The following IQUB variants were observed in gnomAD, a reference collection of about 807,000 sequenced individuals.
IQUB encodes the protein IQ motif and ubiquitin-like domain-containing protein.
Under a neutral mutation model 86.4 loss-of-function variants are expected in IQUB, and 86 were observed. The observed-to-expected ratio is 1.00, with a 90% CI of 0.84 to 1.19. The LOEUF (loss-of-function observed/expected upper bound fraction) is 1.19, where lower values mean the gene tolerates loss of function less well. Ranked by LOEUF, IQUB falls within the 50% of genes most tolerant of loss-of-function variation. The probability of loss-of-function intolerance (pLI) is 0.00; values close to 1 mark genes in which losing one functional copy is unlikely to be tolerated. For synonymous variants in IQUB, 289 were observed against 304.5 expected, an observed-to-expected ratio of 0.95 and a Z score of 0.53; for missense variants, 946 against 916.9, an observed-to-expected ratio of 1.03 and a Z score of -0.41.
chr7:123,470,401 G>T (rs927401762), intron 8 of IQUB, among the ~76,000 whole-genome samples: 1 of 152,120 alleles, frequency 6.6e-6, no homozygotes, highest in Non-Finnish European at 1.5e-5. Flanking sequence ...AACTGTAATT[G>T]CTCTGGTGTC....
chr7:123,469,397 A>G lies in IQUB; in HGVS notation c.1411-13T>C. 6.7e-7 allele frequency: 1 copy of G among 1,482,990 alleles called. No individual in the cohort carries two copies. The highest frequency in any genetic ancestry group is 2.2e-5 in the Admixed American group (1 of 46,300). The allele number at this position is 1,482,990 out of a possible 1,614,324, so 91.9% of individuals were successfully genotyped here. A position where few individuals can be genotyped will look rare whatever the true frequency, so the allele number is the denominator to read the frequency against. ...TTGGAGCTGAACACTTAAAAATAAT[A>G]TTATGTTTATAATTATCAGTTAATT... On this transcript the variant is annotated splice_polypyrimidine_tract_variant and intron_variant, in intron 8 of 12. Transcript: ENST00000324698.
chr7:123,477,834 T>G (rs74501941), intron 8 of IQUB, among the ~76,000 whole-genome samples: 2 of 152,014 alleles, frequency 1.3e-5, no homozygotes, highest in Non-Finnish European at 2.9e-5. Flanking sequence ...AACAGACACA[T>G]GAAAAAATGC....
intron 7 of IQUB, among the ~76,000 whole-genome samples, chr7:123,491,780 G>A (rs1339425330): frequency 6.6e-6 from 1 of 151,944 alleles, no homozygotes; most frequent in Non-Finnish European, 1.5e-5. Flanking sequence ...AATTCTACAC[G>A]AACTGTTTTA....
intron 7 of IQUB, among the ~76,000 whole-genome samples, chr7:123,482,009 A>G (rs971111811): frequency 2.6e-5 from 4 of 151,996 alleles, no homozygotes; most frequent in African/African-American, 7.2e-5. Context: ...GAAAGGTGAA[A>G]TTTAAACGGT....
rs142964701 is a variant in IQUB, at chr7:123,472,101, G to A, written c.1411-2717C>T. Among the ~76,000 whole-genome samples, 525 of 151,834 alleles carry A rather than the reference G, an allele frequency of 3.5e-3. 13 individuals carry two copies. The South Asian group carries it at 0.045, about 13-fold the overall frequency. ...AAAAACACAAAATTTAGCTGAGTGC[G>A]GTGGCACTCACCTGTAATCCCAGCT... is the stretch of plus-strand genomic sequence containing the variant. On this transcript the variant is annotated intron_variant, in intron 8 of 12. Transcript: ENST00000324698.
At chr7:123,483,092 T>C (rs939449956) in intron 7 of IQUB, among the ~76,000 whole-genome samples, 1 of 152,168 alleles carries the variant, frequency 6.6e-6, no homozygotes, top group Non-Finnish European at 1.5e-5. Flanking sequence ...TCCTTATTTA[T>C]TGTGCCTCTC....
At chr7:123,510,188 T>A (rs1246585070) in intron 2 of IQUB, among the ~76,000 whole-genome samples, 153 bp from the exon 3 acceptor site, 1 of 152,044 alleles carries the variant, frequency 6.6e-6, no homozygotes, top group East Asian at 2.0e-4. Flanking sequence ...GCCCCAATGA[T>A]AACAGTTACT....
chr7:123,472,644 G>T (rs1794582939), intron 8 of IQUB, among the ~76,000 whole-genome samples: 1 of 152,162 alleles, frequency 6.6e-6, no homozygotes, highest in African/African-American at 2.4e-5. Flanking sequence ...TCCTAGATTT[G>T]AAGTTCAAGT....
rs374632754 is a variant in IQUB at position 123,503,210 on chromosome 7, A to G, written c.686T>C (p.Val229Ala). Residue 229 changes from valine to alanine, a missense_variant, in exon 4 of 13, where the codon GTC (valine) becomes GCC (alanine). Val to Ala is a moderately conservative substitution (Grantham distance 64). Coordinates refer to ENST00000324698, the MANE Select transcript of IQUB (RefSeq NM_178827.5). ...GACATCAAATAACGAACCAGTTTGG[A>G]CAGTGACAGTTATGATTTGAGAGAC... is the stretch of plus-strand genomic sequence containing the variant. The part of the protein sequence containing the change: ...TDVSQIITVT[V>A]QTGLDQYQQV... 106 of 1,611,578 alleles carry G rather than the reference A, an allele frequency of 6.6e-5. 1 individual carries two copies. Among genetic ancestry groups the G allele is most frequent in the Non-Finnish European group, 8.7e-5 (103 of 1,179,006 alleles).
chr7:123,483,552 A>G (rs1279038553), intron 7 of IQUB, among the ~76,000 whole-genome samples: 3 of 152,088 alleles, frequency 2.0e-5, no homozygotes, highest in Non-Finnish European at 2.9e-5. Context: ...TTGAGCAATT[A>G]TTATGTGAAA....
intron 12 of IQUB, chr7:123,457,046 A>G: frequency 3.0e-6 from 1 of 336,112 alleles, no homozygotes; most frequent in Non-Finnish European, 4.2e-6. Flanking sequence ...CCATTCTGTG[A>G]CAGGCAGTAT....
intron 1 of IQUB, among the ~76,000 whole-genome samples, chr7:123,519,836 T>C (rs1310717597): frequency 6.6e-6 from 1 of 152,178 alleles, no homozygotes; most frequent in East Asian, 1.9e-4. Flanking sequence ...GTAACAGATA[T>C]CCTAATTACC....
chr7:123,452,607 T>TAAC lies in IQUB; in HGVS notation c.*133_*135dup, dbSNP rs1403653784. On this transcript the variant is annotated 3_prime_UTR_variant, in exon 13 of 13. Transcript: ENST00000324698. ...TATATAGAAATGTTTTCTCTTTATATAACTCAAAATACTATGAAAAACAAA... is the reference window on the plus strand; with the variant it reads ...TATATAGAAATGTTTTCTCTTTATATAACAACTCAAAATACTATGAAAAACAAA... 3.6e-5 allele frequency: 17 copies of TAAC among 473,492 alleles called. No homozygotes were observed. In the Admixed American group the frequency reaches 5.0e-4, roughly 14 times the overall value. The allele number at this position is 473,492 out of a possible 1,614,324, so 29.3% of individuals were successfully genotyped here. A position where few individuals can be genotyped will look rare whatever the true frequency, so the allele number is the denominator to read the frequency against.
chr7:123,473,763 T>C (rs1224126093), intron 8 of IQUB, among the ~76,000 whole-genome samples: 1 of 151,488 alleles, frequency 6.6e-6, no homozygotes, highest in African/African-American at 2.4e-5. Context: ...TTTTTTGTAT[T>C]TTTAGTAGAG....
chr7:123,472,067 A>T (rs1187280895), intron 8 of IQUB, among the ~76,000 whole-genome samples: 1 of 151,868 alleles, frequency 6.6e-6, no homozygotes, highest in Admixed American at 6.6e-5. Context: ...GTGATAACTC[A>T]TCTCTACTAA....
intron 7 of IQUB, among the ~76,000 whole-genome samples, chr7:123,493,317 C>A (rs572567763): frequency 2.0e-5 from 3 of 152,254 alleles, no homozygotes; most frequent in African/African-American, 7.2e-5. Context: ...CCAAAAAAAA[C>A]CTACCTTACT....
chr7:123,485,801 C>G (rs1000789350), intron 7 of IQUB, among the ~76,000 whole-genome samples: 3 of 152,096 alleles, frequency 2.0e-5, no homozygotes, highest in African/African-American at 7.2e-5. Flanking sequence ...GAGAACCAAG[C>G]AAGATTCCAA....
chr7:123,509,685 G>C (rs1304389155), intron 3 of IQUB, among the ~76,000 whole-genome samples: 4 of 152,084 alleles, frequency 2.6e-5, no homozygotes, highest in East Asian at 3.9e-4. Flanking sequence ...TTCAGAACAG[G>C]AATCTTACTT....
At chr7:123,522,117 G>C (rs1052551048) in intron 1 of IQUB, among the ~76,000 whole-genome samples, 12 of 151,974 alleles carry the variant, frequency 7.9e-5, no homozygotes, top group African/African-American at 2.7e-4. Flanking sequence ...CCATTTCTCA[G>C]GGTTCTGTTT....
Sources: allele counts gnomAD v4.1 joint callset (sites outside exome capture counted in the v4.1 genomes callset), GRCh38; gene constraint gnomAD v4.1.1; transcripts MANE v1.5; gene names NCBI Gene and HGNC (gene_info 2026-07-23, HGNC 2026-07-21).